The following SUFU variants were observed in gnomAD, a reference collection of about 807,000 sequenced individuals.
SUFU encodes the protein suppressor of fused homolog.
A neutral mutation model predicts 58.9 loss-of-function variants in SUFU; 7 were observed. The observed-to-expected ratio is 0.12, with a 90% confidence interval of 0.07 to 0.22. SUFU has a LOEUF of 0.22. SUFU is among the 10% of genes least tolerant of loss of function. The pLI is 1.00. For synonymous variants in SUFU, 232 were observed against 254.8 expected, an observed-to-expected ratio of 0.91 and a Z score of 0.85; for missense variants, 451 against 641.3, an observed-to-expected ratio of 0.70 and a Z score of 3.20.
intron 3 of SUFU, among the ~76,000 whole-genome samples, chr10:102,571,891 G>A (rs2063165262): frequency 6.6e-6 from 1 of 152,132 alleles, no homozygotes; most frequent in Admixed American, 6.6e-5. Flanking sequence ...CTCCCCTGGA[G>A]AAGAATATGC....
chr10:102,610,895 G>A (rs1385488124), intron 8 of SUFU, among the ~76,000 whole-genome samples: 3 of 152,188 alleles, frequency 2.0e-5, no homozygotes, highest in Admixed American at 6.5e-5. Flanking sequence ...GAGAAAGCCC[G>A]AGGGAGATTT....
At chr10:102,599,284 A>G (rs1298100852) in intron 7 of SUFU, 149 bp from the exon 8 acceptor site, 4 of 722,448 alleles carry the variant, frequency 5.5e-6, no homozygotes, top group Admixed American at 3.9e-5. Flanking sequence ...GTACTCACTC[A>G]GCGCTTACAT....
chr10:102,606,285 T>C (rs4919665), intron 8 of SUFU, among the ~76,000 whole-genome samples: 69,037 of 152,112 alleles, frequency 0.45, 16,068 homozygotes, highest in East Asian at 0.68. Flanking sequence ...TGGTTAAAGA[T>C]GAAATAGATC....
chr10:102,529,219 T>C (rs1047413999), intron 2 of SUFU, among the ~76,000 whole-genome samples: 2 of 152,202 alleles, frequency 1.3e-5, no homozygotes, highest in Admixed American at 6.5e-5. Context: ...AAATAATCTC[T>C]GCAGTTGTTT....
intron 2 of SUFU, among the ~76,000 whole-genome samples, chr10:102,521,334 C>A (rs994293956): frequency 4.6e-5 from 7 of 152,302 alleles, no homozygotes; most frequent in African/African-American, 1.7e-4. Context: ...TCTGCCCATA[C>A]ATACCTTTTT....
rs2063718505 is a variant in SUFU at position 102,619,168 on chromosome 10, T to C, written c.1296+1740T>C. On this transcript the variant is annotated intron_variant, in intron 10 of 11. Transcript: ENST00000369902. This position sits in a 1 kb window ranked among gnomAD's most constrained non-coding sequence, Gnocchi z 4.2. The stretch of plus-strand genomic sequence containing the variant: ...CCAATTTTCAGCAGCTCAAGAACCT[T>C]GGCCCCCACAGGACTTCGCAGATGT... The C allele has an allele frequency of 6.2e-7, 1 of 1,610,396 alleles. No homozygotes were observed. The highest frequency in any genetic ancestry group is 8.5e-7 in the Non-Finnish European group (1 of 1,179,644).
chr10:102,586,336 T>A (rs1032847665), intron 3 of SUFU, among the ~76,000 whole-genome samples: 3 of 152,216 alleles, frequency 2.0e-5, no homozygotes, highest in Non-Finnish European at 4.4e-5. Flanking sequence ...ATTAGATATA[T>A]GATTTGCAAA....
intron 8 of SUFU, among the ~76,000 whole-genome samples, chr10:102,606,334 C>T (rs1313939884): frequency 6.6e-6 from 1 of 152,166 alleles, no homozygotes; most frequent in East Asian, 1.9e-4. Context: ...TCCCATAAAC[C>T]ACCCCTTGGT....
chr10:102,529,897 A>G (rs1021576529), intron 2 of SUFU, among the ~76,000 whole-genome samples: 30 of 151,594 alleles, frequency 2.0e-4, no homozygotes, highest in African/African-American at 7.3e-4. Context: ...GTGAGCCGAG[A>G]TCGCGCCACT....
At chr10:102,627,313 G>A (rs572122178) in intron 11 of SUFU, 70 bp downstream of exon 11, 4 of 1,351,978 alleles carry the variant, frequency 3.0e-6, no homozygotes, top group African/African-American at 1.4e-5. Context: ...GCGTGTGCAC[G>A]TCTGTGCATG....
intron 8 of SUFU, 84 bp from the exon 9 acceptor site, chr10:102,615,184 C>G: frequency 6.3e-7 from 1 of 1,583,562 alleles, no homozygotes; most frequent in Non-Finnish European, 8.7e-7. Context: ...CTTTATTACT[C>G]AGGAGCCCAG....
At chr10:102,599,586 TTTTTTCTGAAGGGCC>T (rs2063497304) in intron 8 of SUFU, 42 bp downstream of exon 8, 1 of 1,548,472 alleles carries the variant, frequency 6.5e-7, no homozygotes, top group African/African-American at 1.4e-5. Flanking sequence ...AGAGGACGAC[TTTTTTCTGAAGGGCC>T]TGTCCCTGTG....
chr10:102,524,547 A>G (rs539138595), intron 2 of SUFU, among the ~76,000 whole-genome samples: 1 of 151,980 alleles, frequency 6.6e-6, no homozygotes, highest in South Asian at 2.1e-4. Context: ...GCTGGTCTCA[A>G]ACTCCTCAAG....
intron 8 of SUFU, among the ~76,000 whole-genome samples, chr10:102,599,954 G>T (rs772390976): frequency 9.9e-5 from 15 of 152,106 alleles, no homozygotes; most frequent in Non-Finnish European, 1.6e-4. Context: ...CAACCCTGGG[G>T]GCCTCCCTCT....
chr10:102,568,603 G>A lies in SUFU; in HGVS notation c.454+18497G>A, dbSNP rs1466725115. On this transcript the variant is annotated intron_variant, in intron 3 of 11. Coordinates refer to ENST00000369902, the MANE Select transcript of SUFU (RefSeq NM_016169.4). The stretch of plus-strand genomic sequence containing the variant: ...AGTAACTATAGTTCAGCCGGGCACA[G>A]TGGCTCACGCCTGTAATCCCAGCAC... Among the ~76,000 whole-genome samples, 5 of 152,000 alleles carry A rather than the reference G, an allele frequency of 3.3e-5. No individual in the cohort carries two copies. In the East Asian group the frequency reaches 9.6e-4, roughly 29 times the overall value.
At chr10:102,610,882 T>A (rs1270025363) in intron 8 of SUFU, among the ~76,000 whole-genome samples, 1 of 152,170 alleles carries the variant, frequency 6.6e-6, no homozygotes, top group Non-Finnish European at 1.5e-5. Context: ...GGGCATCCCA[T>A]GGGAGAAAGC....
At chr10:102,620,408 C>T (rs2063729768) in intron 10 of SUFU, among the ~76,000 whole-genome samples, 1 of 152,228 alleles carries the variant, frequency 6.6e-6, no homozygotes, top group Non-Finnish European at 1.5e-5. Flanking sequence ...TGCTCCACAG[C>T]CTTCCCCCAT....
intron 2 of SUFU, among the ~76,000 whole-genome samples, chr10:102,519,847 C>T (rs914002408): frequency 1.3e-5 from 2 of 152,172 alleles, no homozygotes; most frequent in African/African-American, 4.8e-5. Flanking sequence ...TCTCAGCTCA[C>T]TGCAACCTCC....
rs1458209275 is a variant in SUFU at position 102,619,773 on chromosome 10, G to A, written c.1296+2345G>A. Among the ~76,000 whole-genome samples the A allele has an allele frequency of 6.6e-6, 1 of 152,172 alleles. No individual in the cohort carries two copies. The highest frequency in any genetic ancestry group is 2.4e-5 in the African/African-American group (1 of 41,436). The stretch of plus-strand genomic sequence containing the variant: ...CACTGTGGTCACAGGCAGCTCCCTT[G>A]CTTGTGGGAACCTGGGCTTGTAATT... On this transcript the variant is annotated intron_variant, in intron 10 of 11. Transcript: ENST00000369902. This position sits in a 1 kb window ranked among gnomAD's most constrained non-coding sequence, Gnocchi z 4.2.
Sources: allele counts gnomAD v4.1 joint callset (sites outside exome capture counted in the v4.1 genomes callset), GRCh38; gene constraint gnomAD v4.1.1; non-coding constraint Gnocchi (gnomAD v3.1); transcripts MANE v1.5; gene names NCBI Gene and HGNC (gene_info 2026-07-23, HGNC 2026-07-21).